The following SAMD3 variants were observed in gnomAD, a reference collection of about 807,000 sequenced individuals.
The protein encoded by SAMD3 is sterile alpha motif domain containing 3.
Under a neutral mutation model 58.5 loss-of-function variants are expected in SAMD3, and 63 were observed. The observed-to-expected ratio is 1.08, with a 90% CI of 0.88 to 1.33. The LOEUF is 1.33. Ranked by LOEUF, SAMD3 falls within the 40% of genes most tolerant of loss-of-function variation. The pLI is 0.00. For synonymous variants in SAMD3, 220 were observed against 210.3 expected, an observed-to-expected ratio of 1.05 and a Z score of -0.40; for missense variants, 604 against 608.4, an observed-to-expected ratio of 0.99 and a Z score of 0.08.
rs137882063 is a variant in SAMD3 at position 130,334,170 on chromosome 6, C to T, written c.-303-21077G>A. On this transcript the variant is annotated intron_variant, in intron 1 of 13. Coordinates refer to the SAMD3 transcript ENST00000368134. ...TTTCAAGTGGCTTCTGCTGTCCATC[C>T]TGCCACAAATATCATCTGAGGCAAA... Among the ~76,000 whole-genome samples, 534 of 152,274 alleles carry T rather than the reference C, an allele frequency of 3.5e-3. 1 individual carries two copies. Among genetic ancestry groups the T allele is most frequent in the Non-Finnish European group, 5.7e-3 (391 of 68,020 alleles).
At chr6:130,313,222 G>A (rs949221564) in intron 1 of SAMD3, 8 of 152,170 alleles carry the variant, frequency 5.3e-5, no homozygotes, top group Non-Finnish European at 8.8e-5. Context: ...ACTTTGAAAA[G>A]CACTGTCATG....
In SAMD3 at chr6:130,146,053, C is replaced by T. The variant is rs771950176; in HGVS notation, c.1152G>A (p.Leu384=). ...SVVDNPINIV[L]QEKMKHYTDE... Reference sequence around the variant, plus strand: ...CTGTGTAATGTTTCATTTTTTCTTGCAATACAATATTGATTGGATTGTCCA... The same window carrying T: ...CTGTGTAATGTTTCATTTTTTCTTGTAATACAATATTGATTGGATTGTCCA... The change falls in exon 10 of 12, where the codon TTG becomes TTA. Residue 384 remains leucine, a synonymous_variant. Transcript: ENST00000439090. 6.4e-7 allele frequency: 1 copy of T among 1,571,164 alleles called. No individual in the cohort carries two copies. The highest frequency in any genetic ancestry group is 1.2e-5 in the South Asian group (1 of 81,952).
intron 1 of SAMD3, among the ~76,000 whole-genome samples, chr6:130,357,151 G>T (rs1777857033): frequency 8.1e-6 from 1 of 123,380 alleles, no homozygotes. Context: ...TTGAGACGGA[G>T]TCTCACTTTG....
intron 2 of SAMD3, among the ~76,000 whole-genome samples, chr6:130,240,393 G>A (rs186640599): frequency 5.7e-4 from 87 of 152,316 alleles, no homozygotes; most frequent in Non-Finnish European, 1.2e-4. Context: ...AATGCTCAGA[G>A]ATGGCAAAAT....
chr6:130,338,113 C>T (rs900101375), intron 1 of SAMD3, among the ~76,000 whole-genome samples: 6 of 152,208 alleles, frequency 3.9e-5, no homozygotes, highest in Non-Finnish European at 8.8e-5. Flanking sequence ...TTTGTGTAGC[C>T]TGGGGACTTG....
chr6:130,276,424 C>T (rs1774777475), intron 2 of SAMD3, among the ~76,000 whole-genome samples: 1 of 152,058 alleles, frequency 6.6e-6, no homozygotes, highest in Non-Finnish European at 1.5e-5. Flanking sequence ...GGTTCTAATA[C>T]TTTTCTGCAA....
At chr6:130,162,354 C>G in intron 8 of SAMD3, 1 of 689,618 alleles carries the variant, frequency 1.5e-6, no homozygotes, top group Non-Finnish European at 2.6e-6. Context: ...AGTAGTAAGA[C>G]GGCATGGTTA....
At chr6:130,248,175 T>A (rs1196247217) in intron 2 of SAMD3, among the ~76,000 whole-genome samples, 1 of 120,944 alleles carries the variant, frequency 8.3e-6, no homozygotes, top group Non-Finnish European at 1.6e-5. Flanking sequence ...TTTTAAGTGT[T>A]TTGCGTGTGT....
intron 5 of SAMD3, among the ~76,000 whole-genome samples, chr6:130,205,921 G>A (rs746841854): frequency 1.3e-5 from 2 of 152,128 alleles, no homozygotes; most frequent in Non-Finnish European, 2.9e-5. Context: ...GGCCCTTAAT[G>A]AACAACTGTT....
At chr6:130,174,101 A>C (rs1196262005) in intron 8 of SAMD3, among the ~76,000 whole-genome samples, 1 of 152,214 alleles carries the variant, frequency 6.6e-6, no homozygotes, top group Non-Finnish European at 1.5e-5. Flanking sequence ...CGTGGTTCTT[A>C]GCTTGCTGGG....
At chr6:130,190,048 G>T (rs1028997988) in intron 5 of SAMD3, among the ~76,000 whole-genome samples, 1 of 152,198 alleles carries the variant, frequency 6.6e-6, no homozygotes, top group Non-Finnish European at 1.5e-5. Flanking sequence ...CCCCAGAAAA[G>T]AATGAGCTAA....
chr6:130,262,068 A>G (rs1339553935), intron 2 of SAMD3, among the ~76,000 whole-genome samples: 2 of 152,072 alleles, frequency 1.3e-5, no homozygotes, highest in Non-Finnish European at 2.9e-5. Context: ...GTTAAGAAAA[A>G]AAAAATGGTG....
intron 2 of SAMD3, among the ~76,000 whole-genome samples, chr6:130,302,213 A>T (rs1775771381): frequency 6.6e-6 from 1 of 152,194 alleles, no homozygotes; most frequent in African/African-American, 2.4e-5. Flanking sequence ...CAAAGGACTA[A>T]TATCCAGAAT....
At chr6:130,347,985 T>A (rs1026095208) in intron 1 of SAMD3, among the ~76,000 whole-genome samples, 9 of 152,164 alleles carry the variant, frequency 5.9e-5, no homozygotes, top group Non-Finnish European at 1.2e-4. Context: ...CTAGGCTTCA[T>A]ATGTGAAGGA....
chr6:130,193,874 G>A (rs1793811310), intron 5 of SAMD3, among the ~76,000 whole-genome samples: 2 of 152,048 alleles, frequency 1.3e-5, no homozygotes. Flanking sequence ...CCTAGTCTCT[G>A]TGCCCAATGC....
At chr6:130,296,697 AATGGAGGAGAGATTGGCC>A (rs1307888897) in intron 2 of SAMD3, among the ~76,000 whole-genome samples, 33 of 152,238 alleles carry the variant, frequency 2.2e-4, no homozygotes. Flanking sequence ...AGCATCTAGC[AATGGAGGAGAGATTGGCC>A]ATAGAGTTGC....
chr6:130,245,398 T>A lies in SAMD3; in HGVS notation c.-187-22585A>T, dbSNP rs755265089. On this transcript the variant is annotated intron_variant, in intron 2 of 13. Transcript: ENST00000368134. ...AACTCCCACTTTTTTCAGGGTGCCA[T>A]GTGTTTCCAAGTATAAACAAGGGAA... Among the ~76,000 whole-genome samples the A allele has an allele frequency of 1.9e-4, 29 of 152,346 alleles. 1 individual carries two copies. Among genetic ancestry groups the A allele is most frequent in the African/African-American group, 6.3e-4 (26 of 41,576 alleles).
At chr6:130,320,955 ATCCCTTGACATGGGTAATGCTTCCCC>A (rs1776564764) in intron 1 of SAMD3, among the ~76,000 whole-genome samples, 1 of 152,164 alleles carries the variant, frequency 6.6e-6, no homozygotes, top group African/African-American at 2.4e-5. Context: ...ATATTTGCTG[ATCCCTTGACATGGGTAATGCTTCCCC>A]AGAGAGTTTG....
At chr6:130,252,757 G>A (rs889985725) in intron 2 of SAMD3, among the ~76,000 whole-genome samples, 17 of 152,064 alleles carry the variant, frequency 1.1e-4, no homozygotes, top group Admixed American at 1.0e-3. Flanking sequence ...GGTAGGCTTA[G>A]CTTCAACTAT....
Sources: allele counts gnomAD v4.1 joint callset (sites outside exome capture counted in the v4.1 genomes callset), GRCh38; gene constraint gnomAD v4.1.1; transcripts MANE v1.5; gene names NCBI Gene and HGNC (gene_info 2026-07-23, HGNC 2026-07-21).